RCAN2: variants seen among roughly 807,000 people sequenced by gnomAD.
RCAN2 encodes the protein regulator of calcineurin 2, also known as calcipressin-2.
RCAN2 carries 9 observed loss-of-function variants against 23.6 expected under a neutral mutation model. The ratio of observed to expected loss-of-function variants is 0.38; its 90% CI spans 0.23 to 0.67. The LOEUF (loss-of-function observed/expected upper bound fraction) is 0.67, where lower values mean the gene tolerates loss of function less well. Among genes scored for constraint, RCAN2 ranks in the 30% least tolerant of loss-of-function variants. The pLI, the probability that RCAN2 is intolerant of heterozygous loss-of-function variation, is 0.51. For synonymous variants in RCAN2, 109 were observed against 115.7 expected, an observed-to-expected ratio of 0.94 and a Z score of 0.37; for missense variants, 273 against 302.3, an observed-to-expected ratio of 0.90 and a Z score of 0.72.
At chr6:46,437,812 T>C (rs1185006609) in intron 2 of RCAN2, among the ~76,000 whole-genome samples, 1 of 152,128 alleles carries the variant, frequency 6.6e-6, no homozygotes, top group Non-Finnish European at 1.5e-5. Flanking sequence ...AAAAAAAGCA[T>C]GGAGCTGCCT....
intron 2 of RCAN2, among the ~76,000 whole-genome samples, chr6:46,420,192 GAA>G (rs1766839281): frequency 6.6e-6 from 1 of 151,304 alleles, no homozygotes; most frequent in Non-Finnish European, 1.5e-5. Context: ...AACAAAACCT[GAA>G]AGACTAGAGC....
intron 2 of RCAN2, among the ~76,000 whole-genome samples, chr6:46,402,655 G>C (rs1308929172): frequency 6.6e-6 from 1 of 152,180 alleles, no homozygotes; most frequent in Non-Finnish European, 1.5e-5. Context: ...GACAGGTCAA[G>C]AGGAGTCTTC....
At chr6:46,348,792 G>T (rs1764563926) in intron 2 of RCAN2, among the ~76,000 whole-genome samples, 1 of 152,174 alleles carries the variant, frequency 6.6e-6, no homozygotes, top group African/African-American at 2.4e-5. Context: ...TCTGCCAGTG[G>T]CATGGAGGGG....
At chr6:46,401,499 AG>A (rs1215988394) in intron 2 of RCAN2, among the ~76,000 whole-genome samples, 1 of 152,114 alleles carries the variant, frequency 6.6e-6, no homozygotes, top group African/African-American at 2.4e-5. Flanking sequence ...TGAGAGAGAG[AG>A]GCACAGCAAA....
chr6:46,307,689 T>C (rs777958850), intron 2 of RCAN2, among the ~76,000 whole-genome samples: 4 of 152,070 alleles, frequency 2.6e-5, no homozygotes, highest in Non-Finnish European at 5.9e-5. Flanking sequence ...ATAAACAAAA[T>C]TGATACATGA....
intron 2 of RCAN2, among the ~76,000 whole-genome samples, chr6:46,261,653 T>C (rs978924062): frequency 1.3e-5 from 2 of 152,204 alleles, no homozygotes; most frequent in African/African-American, 4.8e-5. Context: ...CGTACCTGTA[T>C]ATAATCTTCA....
At chr6:46,402,037 T>C (rs879511924) in intron 2 of RCAN2, among the ~76,000 whole-genome samples, 2 of 151,942 alleles carry the variant, frequency 1.3e-5, no homozygotes, top group East Asian at 1.9e-4. Context: ...TAGAAGTACA[T>C]AGACAAATAC....
intron 4 of RCAN2, among the ~76,000 whole-genome samples, chr6:46,228,912 T>C (rs866539890): frequency 3.3e-5 from 5 of 152,220 alleles, no homozygotes; most frequent in African/African-American, 4.8e-5. Context: ...TGGTACCAGT[T>C]GTTCCTTTCC....
chr6:46,234,009 G>A (rs930729159), intron 4 of RCAN2, among the ~76,000 whole-genome samples: 9 of 152,082 alleles, frequency 5.9e-5, no homozygotes, highest in South Asian at 2.1e-4. Context: ...GATTACAGGC[G>A]TGAGCCACCG....
intron 4 of RCAN2, among the ~76,000 whole-genome samples, chr6:46,244,449 C>T (rs1166887777): frequency 6.6e-6 from 1 of 152,100 alleles, no homozygotes; most frequent in African/African-American, 2.4e-5. Flanking sequence ...AGAGCCTGGA[C>T]TCAGCTGGGT....
intron 4 of RCAN2, among the ~76,000 whole-genome samples, chr6:46,241,281 G>C (rs1766296819): frequency 6.6e-6 from 1 of 152,190 alleles, no homozygotes; most frequent in Non-Finnish European, 1.5e-5. Flanking sequence ...AGGAACAACA[G>C]ATATTTCAAA....
At chr6:46,237,026 C>T (rs890201121) in intron 4 of RCAN2, among the ~76,000 whole-genome samples, 5 of 151,914 alleles carry the variant, frequency 3.3e-5, no homozygotes, top group East Asian at 3.9e-4. Context: ...TAAACTCAGG[C>T]TTGCCTGACT....
intron 2 of RCAN2, among the ~76,000 whole-genome samples, chr6:46,349,238 G>A (rs141440620): frequency 4.4e-4 from 67 of 152,164 alleles, no homozygotes; most frequent in African/African-American, 1.5e-3. Context: ...AAGAATTCTG[G>A]GTCCTGAAGC....
At chr6:46,226,129 T>A (rs1765656198) in intron 4 of RCAN2, among the ~76,000 whole-genome samples, 1 of 152,222 alleles carries the variant, frequency 6.6e-6, no homozygotes, top group Admixed American at 6.5e-5. Context: ...GGCTCTGTTC[T>A]GTTCCATTGG....
chr6:46,469,185 A>G (rs2150440179), intron 1 of RCAN2, among the ~76,000 whole-genome samples: 1 of 152,288 alleles, frequency 6.6e-6, no homozygotes, highest in Non-Finnish European at 1.5e-5. Flanking sequence ...AGACACTGAC[A>G]CAGGGCTGGG....
intron 4 of RCAN2, among the ~76,000 whole-genome samples, chr6:46,238,118 A>T (rs996699014): frequency 6.6e-6 from 1 of 152,200 alleles, no homozygotes; most frequent in African/African-American, 2.4e-5. Context: ...TGGGCCATGC[A>T]AATTCTCATT....
At chr6:46,251,879 G>A (rs1766738219) in intron 2 of RCAN2, among the ~76,000 whole-genome samples, 1 of 152,076 alleles carries the variant, frequency 6.6e-6, no homozygotes, top group African/African-American at 2.4e-5. Flanking sequence ...CTTGTTTTGG[G>A]CTTAGGCTGA....
At chr6:46,459,768 G>C (rs1224814623) in intron 1 of RCAN2, among the ~76,000 whole-genome samples, 1 of 152,136 alleles carries the variant, frequency 6.6e-6, no homozygotes, top group Non-Finnish European at 1.5e-5. Context: ...AGGGGAGGCA[G>C]GGGAATGAAA....
intron 2 of RCAN2, among the ~76,000 whole-genome samples, chr6:46,337,186 G>A (rs1582118201): frequency 1.3e-5 from 2 of 151,894 alleles, no homozygotes; most frequent in South Asian, 2.1e-4. Flanking sequence ...AAAAAGAAGG[G>A]GAAGGATAAA....
Sources: gnomAD v4.1 joint callset for allele counts (sites outside exome capture counted in the v4.1 genomes callset) on GRCh38, gnomAD v4.1.1 for gene constraint, MANE v1.5 for transcripts, NCBI Gene and HGNC (gene_info 2026-07-23, HGNC 2026-07-21) for gene names.